The following NSUN2 variants were observed in gnomAD, a reference collection of about 807,000 sequenced individuals.
NSUN2 encodes the protein NOP2/Sun RNA methyltransferase 2, also known as RNA cytosine C(5)-methyltransferase NSUN2.
A neutral mutation model predicts 92.7 loss-of-function variants in NSUN2; 63 were observed. The observed-to-expected ratio is 0.68, with a 90% CI of 0.56 to 0.84. The LOEUF (loss-of-function observed/expected upper bound fraction) is 0.84, where lower values mean the gene tolerates loss of function less well. NSUN2 is among the 40% of genes least tolerant of loss of function. NSUN2 has a pLI of 0.00. For missense variants in NSUN2, 989 were observed against 964.9 expected, an observed-to-expected ratio of 1.02 and a Z score of -0.33; for synonymous variants, 356 against 348.3, an observed-to-expected ratio of 1.02 and a Z score of -0.25.
At chr5:6,629,839 C>T (rs911933221) in intron 3 of NSUN2, among the ~76,000 whole-genome samples, 4 of 152,184 alleles carry the variant, frequency 2.6e-5, no homozygotes, top group Admixed American at 6.5e-5. Flanking sequence ...GGGGCTTCTT[C>T]CTTTGCTCAG....
Position 6,625,727 on chromosome 5 carries a change from C to G in NSUN2, c.360-58G>C, listed in dbSNP as rs968688193. 42 of 1,241,112 alleles carry G rather than the reference C, an allele frequency of 3.4e-5. No homozygotes were observed. The African/African-American group carries it at 5.1e-4, about 15-fold the overall frequency. The allele number at this position is 1,241,112 out of a possible 1,614,324, so 76.9% of individuals were successfully genotyped here. Reference sequence around the variant, plus strand: ...TATAAATACTAAAGTCGTCTGTTGACAACTTTGTGCTTCTATCAGTCGCAT... The same window carrying G: ...TATAAATACTAAAGTCGTCTGTTGAGAACTTTGTGCTTCTATCAGTCGCAT... On this transcript the variant is annotated intron_variant, in intron 3 of 18. Coordinates refer to ENST00000264670, the MANE Select transcript of NSUN2 (RefSeq NM_017755.6).
chr5:6,621,773 C>A, intron 6 of NSUN2: 1 of 396,840 alleles, frequency 2.5e-6, no homozygotes, highest in Non-Finnish European at 4.5e-6. Flanking sequence ...AAATGCCATT[C>A]GTTTTTATAG....
At chr5:6,602,844 C>A (rs1027149234) in intron 17 of NSUN2, among the ~76,000 whole-genome samples, 1 of 152,246 alleles carries the variant, frequency 6.6e-6, no homozygotes, top group Non-Finnish European at 1.5e-5. Flanking sequence ...ATAACACCAA[C>A]TCCCAGAATG....
At chr5:6,602,066 C>T (rs1017136964) in intron 18 of NSUN2, among the ~76,000 whole-genome samples, 2 of 152,216 alleles carry the variant, frequency 1.3e-5, no homozygotes, top group South Asian at 4.1e-4. Flanking sequence ...GGCCCTAGCA[C>T]TCCTGATGCA....
chr5:6,605,479 T>C, intron 14 of NSUN2, 71 bp from the exon 15 acceptor site: 1 of 1,518,458 alleles, frequency 6.6e-7, no homozygotes, highest in South Asian at 1.2e-5. Context: ...AAACATCTTA[T>C]TCTCCTCCTC....
In NSUN2 at chr5:6,609,938, T is replaced by G. The variant is rs772038343; in HGVS notation, c.1227-16A>C. 37 of 1,503,080 alleles carry G rather than the reference T, an allele frequency of 2.5e-5. No homozygotes were observed. The highest frequency in any genetic ancestry group is 3.2e-5 in the Non-Finnish European group (35 of 1,086,050). 93.1% of individuals were successfully genotyped at this position (1,503,080 alleles called of 1,614,324 possible). Reference sequence around the variant, plus strand: ...TATCCTAAGGCTAAATATATATATATAATTCACACCTCTGAACTAATCAAA... The same window carrying G: ...TATCCTAAGGCTAAATATATATATAGAATTCACACCTCTGAACTAATCAAA... On this transcript the variant is annotated splice_polypyrimidine_tract_variant and intron_variant, in intron 11 of 18. Coordinates refer to ENST00000264670, the MANE Select transcript of NSUN2 (RefSeq NM_017755.6).
chr5:6,612,882 C>T (rs780944236), intron 9 of NSUN2, among the ~76,000 whole-genome samples: 2 of 152,202 alleles, frequency 1.3e-5, no homozygotes, highest in Non-Finnish European at 2.9e-5. Context: ...CCCCATGTTG[C>T]CCCTTCTCCA....
intron 6 of NSUN2, 127 bp downstream of exon 6, chr5:6,621,889 G>A (rs1360825598): frequency 2.5e-5 from 18 of 728,844 alleles, no homozygotes; most frequent in African/African-American, 3.5e-5. Flanking sequence ...TCCGGTAGAC[G>A]GAAAACCCAA....
chr5:6,605,315 C>T lies in NSUN2; in HGVS notation c.1695G>A (p.Lys565=), dbSNP rs1736722683. The part of the protein sequence containing the change: ...GKKRQLYMVS[K]ELRNVLLNNS... ...TATTCAGCAGCACATTCCGCAACTC[C>T]TTAGAAACCATGTAGAGCTGCCTTT... Residue 565 remains lysine (K), a synonymous_variant, in exon 15 of 19, where the codon AAG becomes AAA. Transcript: ENST00000264670. The T allele has an allele frequency of 1.9e-6, 3 of 1,614,122 alleles. No individual in the cohort carries two copies. The highest frequency in any genetic ancestry group is 1.7e-5 in the Admixed American group (1 of 60,014).
chr5:6,632,324 A>G lies in NSUN2; in HGVS notation c.254+275T>C, dbSNP rs547037626. The stretch of plus-strand genomic sequence containing the variant: ...TTCTCTATAAATTCTCTTACGTTCC[A>G]AAAGGTAAGACCCTCAGCTTCCCTC... On this transcript the variant is annotated intron_variant, in intron 2 of 18. Transcript: ENST00000264670. 2.0e-5 allele frequency among the ~76,000 whole-genome samples: 3 copies of G among 152,358 alleles called. No homozygotes were observed. The South Asian group carries it at 6.2e-4, about 32-fold the overall frequency.
intron 4 of NSUN2, 103 bp from the exon 5 acceptor site, chr5:6,623,388 T>C: frequency 1.1e-6 from 1 of 937,674 alleles, no homozygotes. Flanking sequence ...AAACAGCACA[T>C]AATCTTATAC....
intron 10 of NSUN2, 150 bp downstream of exon 10, chr5:6,611,575 C>G: frequency 3.1e-6 from 2 of 650,068 alleles, no homozygotes; most frequent in Non-Finnish European, 5.2e-6. Flanking sequence ...TGAAATGTGT[C>G]ATGAAATAAC....
At position 6,632,917 on chromosome 5, in the gene NSUN2, A is replaced by C. The variant is rs904169131; in HGVS notation, c.63T>G (p.Asp21Glu). Residue 21 changes from aspartate to glutamate, a missense_variant, in exon 1 of 19, where the codon GAT becomes GAG. This residue lies in a region of NSUN2 where 356 missense variants were observed against 338.6 expected (regional missense o/e 1.05). Coordinates refer to ENST00000264670, the MANE Select transcript of NSUN2 (RefSeq NM_017755.6). ...QQQQRPEDAE[D>E]GAEGGGKRGE... ...CGCGCTTTCCACCACCCTCGGCGCC[A>C]TCCTCCGCGTCCTCCGGCCGCTGCT... The C allele has an allele frequency of 1.6e-5, 24 of 1,520,196 alleles. No individual in the cohort carries two copies. The highest frequency in any genetic ancestry group is 1.8e-5 in the Non-Finnish European group (21 of 1,140,750). 94.2% of individuals were successfully genotyped at this position (1,520,196 alleles called of 1,614,324 possible).
intron 5 of NSUN2, 28 bp from the exon 6 acceptor site, chr5:6,622,128 T>A (rs370163595): frequency 1.6e-5 from 25 of 1,576,946 alleles, no homozygotes; most frequent in Middle Eastern, 1.7e-4. Context: ...AACTGTTTCA[T>A]GTTTTTAAAA....
At chr5:6,612,824 G>C (rs1579364394) in intron 9 of NSUN2, among the ~76,000 whole-genome samples, 2 of 152,322 alleles carry the variant, frequency 1.3e-5, no homozygotes, top group East Asian at 3.9e-4. Flanking sequence ...GCAGGCAGCA[G>C]GTGTTATCTC....
At chr5:6,600,679 G>C (rs556564419) in intron 18 of NSUN2, among the ~76,000 whole-genome samples, 1 of 151,892 alleles carries the variant, frequency 6.6e-6, no homozygotes, top group African/African-American at 2.4e-5. Context: ...TTAGCAGGGC[G>C]TCAGAGCAGG....
intron 6 of NSUN2, chr5:6,621,333 G>C (rs1322666445): frequency 6.6e-6 from 1 of 151,956 alleles, no homozygotes; most frequent in African/African-American, 2.4e-5. Context: ...CTTCATGTAA[G>C]GCAGTAAGTA....
Position 6,632,965 on chromosome 5 carries a change from C to G in NSUN2, c.15G>C (p.Ser5=). MGRR[S]RGRRLQQQQR... is the part of the protein sequence containing the mutation. The stretch of plus-strand genomic sequence containing the variant: ...GCTGTTGCTGGAGCCGCCGACCCCG[C>G]GACCGCCGCCCCATAGCCCACGCGG... Residue 5 remains serine, a synonymous_variant, in exon 1 of 19, where the codon TCG becomes TCC. Transcript: ENST00000264670. The G allele has an allele frequency of 1.3e-6, 2 of 1,488,250 alleles. No individual in the cohort carries two copies. Among genetic ancestry groups the G allele is most frequent in the Admixed American group, 2.2e-5 (1 of 44,466 alleles). 92.2% of individuals were successfully genotyped at this position (1,488,250 alleles called of 1,614,324 possible).
chr5:6,613,102 C>T (rs914743516), intron 9 of NSUN2, among the ~76,000 whole-genome samples: 1 of 152,232 alleles, frequency 6.6e-6, no homozygotes, highest in African/African-American at 2.4e-5. Flanking sequence ...TGACATCATA[C>T]TGTACACAGG....
Sources: allele counts gnomAD v4.1 joint callset (sites outside exome capture counted in the v4.1 genomes callset), GRCh38; gene constraint gnomAD v4.1.1; regional missense constraint gnomAD v4.1.1; transcripts MANE v1.5; gene names NCBI Gene and HGNC (gene_info 2026-07-23, HGNC 2026-07-21).